The following ATP8A2 variants were observed in gnomAD, a reference collection of about 807,000 sequenced individuals.
ATP8A2 encodes the protein phospholipid-transporting ATPase IB.
In ATP8A2, 100 loss-of-function variants were observed where a neutral mutation model predicts 165.6. That is an observed-to-expected ratio of 0.60 (90% CI 0.51 to 0.71). The LOEUF (loss-of-function observed/expected upper bound fraction) is 0.71, where lower values mean the gene tolerates loss of function less well. ATP8A2 is among the 30% of genes least tolerant of loss of function. The pLI, the probability that ATP8A2 is intolerant of heterozygous loss-of-function variation, is 0.00. For synonymous variants in ATP8A2, 543 were observed against 548.8 expected, an observed-to-expected ratio of 0.99 and a Z score of 0.15; for missense variants, 1,227 against 1,479.5, an observed-to-expected ratio of 0.83 and a Z score of 2.80.
chr13:25,409,712 G>A (rs564904269), intron 1 of ATP8A2, among the ~76,000 whole-genome samples: 1 of 152,284 alleles, frequency 6.6e-6, no homozygotes, highest in African/African-American at 2.4e-5. Context: ...TGCCTTTCAA[G>A]TTTTGCCAGT....
chr13:25,524,978 C>A (rs2037796874), intron 2 of ATP8A2, among the ~76,000 whole-genome samples: 1 of 150,244 alleles, frequency 6.7e-6, no homozygotes, highest in South Asian at 2.1e-4. Flanking sequence ...TTTTTTCCAT[C>A]TTCCTTTGTG....
chr13:25,580,941 T>G (rs948515556), intron 22 of ATP8A2, among the ~76,000 whole-genome samples: 2 of 152,236 alleles, frequency 1.3e-5, no homozygotes, highest in Admixed American at 1.3e-4. Context: ...TTTTTTTGTT[T>G]AAGTTTTATA....
At chr13:25,872,147 G>A (rs1475294081) in intron 33 of ATP8A2, among the ~76,000 whole-genome samples, 2 of 150,458 alleles carry the variant, frequency 1.3e-5, no homozygotes, top group East Asian at 2.0e-4. Flanking sequence ...CTGGTCAGCC[G>A]GGTCCTCTGC....
chr13:25,420,974 T>G (rs1158547893), intron 1 of ATP8A2, among the ~76,000 whole-genome samples: 2 of 152,244 alleles, frequency 1.3e-5, no homozygotes, highest in African/African-American at 4.8e-5. Context: ...CTGAGGTTAT[T>G]TTATTTCAAC....
At chr13:25,662,213 G>A (rs76373765) in intron 24 of ATP8A2, among the ~76,000 whole-genome samples, 5,245 of 152,208 alleles carry the variant, frequency 0.034, 158 homozygotes, top group East Asian at 0.13. Flanking sequence ...TATTGTAAGC[G>A]CTGTTATACA....
intron 25 of ATP8A2, among the ~76,000 whole-genome samples, chr13:25,701,155 T>C (rs1325024892): frequency 6.6e-6 from 1 of 152,232 alleles, no homozygotes; most frequent in Non-Finnish European, 1.5e-5. Flanking sequence ...ACTTTCCTGA[T>C]AGTATTACTT....
chr13:25,988,689 C>T (rs542640172), intron 35 of ATP8A2, among the ~76,000 whole-genome samples: 1 of 152,284 alleles, frequency 6.6e-6, no homozygotes, highest in East Asian at 1.9e-4. Flanking sequence ...CACACCCCAC[C>T]TTATTTCCAA....
intron 33 of ATP8A2, among the ~76,000 whole-genome samples, chr13:25,886,103 T>C (rs972764029): frequency 6.6e-6 from 1 of 152,214 alleles, no homozygotes; most frequent in Admixed American, 6.5e-5. Flanking sequence ...AAGCTTTTCC[T>C]CCAAGAATAT....
Position 25,952,027 on chromosome 13 carries a change from A to G in ATP8A2, c.3184-9548A>G, listed in dbSNP as rs148368463. 3.6e-3 allele frequency among the ~76,000 whole-genome samples: 544 copies of G among 152,260 alleles called. 2 individuals carry two copies. Among genetic ancestry groups the G allele is most frequent in the Non-Finnish European group, 5.0e-3 (341 of 68,020 alleles). On this transcript the variant is annotated intron_variant, in intron 33 of 36. Coordinates refer to ENST00000381655, the MANE Select transcript of ATP8A2 (RefSeq NM_016529.6). ...CATACCAGTGGCTTGTTATTTAAAC[A>G]TTGGGATCGGGTGTGTGGGTGGTTT...
At chr13:25,793,612 A>G (rs1021829321) in intron 27 of ATP8A2, among the ~76,000 whole-genome samples, 1 of 152,208 alleles carries the variant, frequency 6.6e-6, no homozygotes, top group Admixed American at 6.5e-5. Context: ...ACAAGTACAT[A>G]CATACAAATA....
intron 24 of ATP8A2, among the ~76,000 whole-genome samples, chr13:25,604,395 G>A (rs1250109602): frequency 6.6e-6 from 1 of 152,146 alleles, no homozygotes; most frequent in Non-Finnish European, 1.5e-5. Context: ...GGAATTGGGT[G>A]GAGAACAACT....
At chr13:25,379,239 T>TA (rs2032749695) in intron 1 of ATP8A2, among the ~76,000 whole-genome samples, 1 of 152,204 alleles carries the variant, frequency 6.6e-6, no homozygotes, top group African/African-American at 2.4e-5. Flanking sequence ...TCTCTAGAGA[T>TA]ACTGTGTAAG....
chr13:25,640,203 CAA>C (rs781079176), intron 24 of ATP8A2, among the ~76,000 whole-genome samples: 4 of 152,006 alleles, frequency 2.6e-5, no homozygotes, highest in Non-Finnish European at 5.9e-5. Context: ...ACTAGAGAAA[CAA>C]GAGCAAACAC....
intron 1 of ATP8A2, among the ~76,000 whole-genome samples, chr13:25,450,795 T>C (rs527426611): frequency 8.5e-4 from 129 of 152,026 alleles, no homozygotes; most frequent in Middle Eastern, 3.2e-3. Flanking sequence ...CCTCCCAAAG[T>C]GCTAGGATTA....
chr13:25,381,901 A>T (rs1488296801), intron 1 of ATP8A2, among the ~76,000 whole-genome samples: 1 of 152,144 alleles, frequency 6.6e-6, no homozygotes, highest in Admixed American at 6.5e-5. Context: ...GGAAGTGGGG[A>T]TGCCGTCTGT....
chr13:25,738,050 C>T (rs118167386), intron 25 of ATP8A2, among the ~76,000 whole-genome samples: 19 of 151,770 alleles, frequency 1.3e-4, no homozygotes, highest in Non-Finnish European at 2.6e-4. Flanking sequence ...CTTTCTGAGT[C>T]TGAAGACCAC....
intron 28 of ATP8A2, among the ~76,000 whole-genome samples, chr13:25,834,897 T>C (rs549999282): frequency 3.9e-5 from 6 of 152,282 alleles, no homozygotes; most frequent in African/African-American, 1.4e-4. Flanking sequence ...AACTCCTGTC[T>C]TGGCCTCCCA....
In ATP8A2 at chr13:25,999,029, C is replaced by T. The variant is rs183223301; in HGVS notation, c.3378-13502C>T. ...ACTGTGTCCTGAGCTCAATGCTGGG[C>T]GTTATGGATAGACACGAGACAAATG... On this transcript the variant is annotated intron_variant, in intron 35 of 36. Coordinates refer to ENST00000381655, the MANE Select transcript of ATP8A2 (RefSeq NM_016529.6). Among the ~76,000 whole-genome samples the T allele has an allele frequency of 2.3e-4, 35 of 152,186 alleles. 1 individual carries two copies. The East Asian group carries it at 6.2e-3, about 27-fold the overall frequency.
rs55661899 is a variant in ATP8A2, at chr13:25,791,542, T to TACACACACACAC, written c.2679+16606_2679+16617dup. On this transcript the variant is annotated intron_variant, in intron 27 of 36. Coordinates refer to ENST00000381655, the MANE Select transcript of ATP8A2 (RefSeq NM_016529.6). ...CCCCGAACTTAAACACACACACACA[T>TACACACACACAC]ACACACACACACACACACACACACA... 6.5e-3 allele frequency among the ~76,000 whole-genome samples: 930 copies of TACACACACACAC among 143,038 alleles called. 17 individuals carry two copies. The highest frequency in any genetic ancestry group is 0.017 in the African/African-American group (642 of 38,264). The allele number at this position is 143,038 out of a possible 152,430, so 93.8% of individuals were successfully genotyped here.
Sources: allele counts gnomAD v4.1 joint callset (sites outside exome capture counted in the v4.1 genomes callset), GRCh38; gene constraint gnomAD v4.1.1; transcripts MANE v1.5; gene names NCBI Gene and HGNC (gene_info 2026-07-23, HGNC 2026-07-21).